The following PCSK5 variants were observed in gnomAD, a reference collection of about 807,000 sequenced individuals.
PCSK5 encodes the protein proprotein convertase subtilisin/kexin type 5, also known as prohormone convertase 5.
Under a neutral mutation model 233.2 loss-of-function variants are expected in PCSK5, and 129 were observed. The ratio of observed to expected loss-of-function variants is 0.55; its 90% CI spans 0.48 to 0.64. PCSK5 has a LOEUF of 0.64. Ranked by LOEUF, PCSK5 falls within the 30% of genes least tolerant of loss-of-function variation. The pLI is 0.00. For missense variants in PCSK5, 2,076 were observed against 2,430.1 expected (o/e 0.85, Z 3.06); for synonymous variants, 825 against 879.2 (o/e 0.94, Z 1.09).
At chr9:76,295,102 C>G (rs979197160) in intron 25 of PCSK5, among the ~76,000 whole-genome samples, 173 bp from the exon 26 acceptor site, 12 of 151,976 alleles carry the variant, frequency 7.9e-5, no homozygotes, top group African/African-American at 4.8e-5. Flanking sequence ...TGCAGTGAGC[C>G]GAGATCGACC....
chr9:75,991,933 A>G lies in PCSK5; in HGVS notation c.411+5688A>G, dbSNP rs189876221. 5.3e-5 allele frequency among the ~76,000 whole-genome samples: 8 copies of G among 152,006 alleles called. No homozygotes were observed. In the East Asian group the frequency reaches 1.5e-3, roughly 29 times the overall value. ...ATCCCCTCTCTCTAAAAAAATGTAAAATAAAAAAAAAAATTAGTTAGGCTT... is the reference window on the plus strand; with the variant it reads ...ATCCCCTCTCTCTAAAAAAATGTAAGATAAAAAAAAAAATTAGTTAGGCTT... On this transcript the variant is annotated intron_variant, in intron 3 of 37. Coordinates refer to ENST00000674117, the MANE Select transcript of PCSK5 (RefSeq NM_001372043.1).
chr9:75,915,600 C>T (rs1190498675), intron 1 of PCSK5, among the ~76,000 whole-genome samples: 1 of 152,088 alleles, frequency 6.6e-6, no homozygotes, highest in African/African-American at 2.4e-5. Flanking sequence ...AAATTACCTG[C>T]GTGTATTTGA....
intron 24 of PCSK5, among the ~76,000 whole-genome samples, chr9:76,278,965 GGTTA>G (rs2131384172): frequency 6.6e-6 from 1 of 151,852 alleles, no homozygotes; most frequent in South Asian, 2.1e-4. Context: ...ACATTGTGCA[GGTTA>G]GTTACATATG....
intron 5 of PCSK5, among the ~76,000 whole-genome samples, chr9:76,042,178 GAAAA>G (rs1185124909): frequency 6.6e-6 from 1 of 152,098 alleles, no homozygotes; most frequent in Non-Finnish European, 1.5e-5. Flanking sequence ...TAAAGGGAAA[GAAAA>G]AACACCATGA....
At chr9:76,189,270 T>C in intron 19 of PCSK5, 47 bp downstream of exon 19, 1 of 1,548,198 alleles carries the variant, frequency 6.5e-7, no homozygotes, top group Non-Finnish European at 8.8e-7. Flanking sequence ...CCTAAGTTCT[T>C]TTGATGACTA....
At chr9:75,994,546 TC>T (rs1348354841) in intron 3 of PCSK5, among the ~76,000 whole-genome samples, 1 of 150,932 alleles carries the variant, frequency 6.6e-6, no homozygotes, top group African/African-American at 2.4e-5. Flanking sequence ...TGCCTCAGCC[TC>T]CCGAAGCTGG....
At chr9:76,044,511 T>C (rs554640318) in intron 5 of PCSK5, among the ~76,000 whole-genome samples, 21 of 152,344 alleles carry the variant, frequency 1.4e-4, no homozygotes, top group Admixed American at 1.3e-3. Context: ...GACTTAATTA[T>C]CTTCTGTGTG....
chr9:76,099,077 C>G lies in PCSK5; in HGVS notation c.1107+2975C>G, dbSNP rs73456427. ...ATTTCAAAGCCTTCTGTGACTCACT[C>G]TATGTATTTAACTTAATTCGTTTCT... On this transcript the variant is annotated intron_variant, in intron 8 of 37. Coordinates refer to ENST00000674117, the MANE Select transcript of PCSK5 (RefSeq NM_001372043.1). 3.7e-3 allele frequency among the ~76,000 whole-genome samples: 560 copies of G among 152,308 alleles called. 4 individuals carry two copies. Among genetic ancestry groups the G allele is most frequent in the African/African-American group, 0.013 (526 of 41,568 alleles).
rs572045794 is a variant in PCSK5, at chr9:76,361,366, C to G, written c.*2444C>G. The G allele has an allele frequency of 5.3e-5, 8 of 151,744 alleles. No individual in the cohort carries two copies. The highest frequency in any genetic ancestry group is 1.0e-4 in the Non-Finnish European group (7 of 67,992). The allele number at this position is 151,744 out of a possible 1,614,324, so 9.4% of individuals were successfully genotyped here. ...TCTCAAAAAATAAGTAACTAACTAA[C>G]TAACTAAATAAATAAATAAATAAAA... On this transcript the variant is annotated 3_prime_UTR_variant, in exon 38 of 38. Coordinates refer to ENST00000674117, the MANE Select transcript of PCSK5 (RefSeq NM_001372043.1).
intron 2 of PCSK5, among the ~76,000 whole-genome samples, chr9:75,960,545 G>A (rs1459482063): frequency 6.6e-6 from 1 of 152,188 alleles, no homozygotes; most frequent in Non-Finnish European, 1.5e-5. Context: ...AAGAAAAACA[G>A]CTGAAGAACA....
intron 37 of PCSK5, among the ~76,000 whole-genome samples, chr9:76,355,119 G>T (rs1488194818): frequency 1.3e-5 from 2 of 152,070 alleles, no homozygotes; most frequent in Non-Finnish European, 2.9e-5. Flanking sequence ...ATCCATGTGG[G>T]TACTTGGTTC....
At position 75,986,263 on chromosome 9, in the gene PCSK5, G is replaced by A. The variant is rs1241139462; in HGVS notation, c.411+18G>A. 9 of 1,432,716 alleles carry A rather than the reference G, an allele frequency of 6.3e-6. No homozygotes were observed. The highest frequency in any genetic ancestry group is 8.9e-6 in the Non-Finnish European group (9 of 1,014,592). The allele number at this position is 1,432,716 out of a possible 1,614,324, so 88.8% of individuals were successfully genotyped here. On this transcript the variant is annotated intron_variant, in intron 3 of 37. Coordinates refer to ENST00000674117, the MANE Select transcript of PCSK5 (RefSeq NM_001372043.1). Reference sequence around the variant, plus strand: ...GGTATATGGTAAGCTTGCTAAGGAAGCCTGGCCTAGGGCCATGTCATCCGG... The same window carrying A: ...GGTATATGGTAAGCTTGCTAAGGAAACCTGGCCTAGGGCCATGTCATCCGG...
chr9:76,050,974 C>T (rs1385884622), intron 5 of PCSK5, among the ~76,000 whole-genome samples: 1 of 152,108 alleles, frequency 6.6e-6, no homozygotes, highest in Non-Finnish European at 1.5e-5. Context: ...GTCATTTTAC[C>T]TTAAAAGCCC....
chr9:76,242,073 T>C (rs971547236), intron 24 of PCSK5, among the ~76,000 whole-genome samples: 2 of 152,210 alleles, frequency 1.3e-5, no homozygotes, highest in African/African-American at 4.8e-5. Flanking sequence ...CCTTACCCAA[T>C]GGATTTTCTT....
rs148661587 is a variant in PCSK5, at chr9:76,276,876, G to A, written c.3143-15357G>A. On this transcript the variant is annotated intron_variant, in intron 24 of 37. Transcript: ENST00000674117. ...AACAACCTGTCTTCATGAAGCTTGC[G>A]TTTTACTGTTTGCTTCATGCATTTA... Among the ~76,000 whole-genome samples, 294 of 152,246 alleles carry A rather than the reference G, an allele frequency of 1.9e-3. 2 individuals carry two copies. Among genetic ancestry groups the A allele is most frequent in the African/African-American group, 6.5e-3 (272 of 41,542 alleles).
chr9:75,917,374 G>A (rs947480231), intron 1 of PCSK5, among the ~76,000 whole-genome samples: 1 of 152,136 alleles, frequency 6.6e-6, no homozygotes, highest in African/African-American at 2.4e-5. Context: ...ATTTTTATGT[G>A]TTTTGGGAAC....
intron 5 of PCSK5, among the ~76,000 whole-genome samples, chr9:76,035,037 T>C (rs1828802865): frequency 6.6e-6 from 1 of 152,208 alleles, no homozygotes; most frequent in Non-Finnish European, 1.5e-5. Flanking sequence ...ATTGTCTGTC[T>C]TGCCCTCTGG....
At chr9:76,053,854 G>A (rs893350384) in intron 5 of PCSK5, among the ~76,000 whole-genome samples, 5 of 152,078 alleles carry the variant, frequency 3.3e-5, no homozygotes, top group African/African-American at 7.2e-5. Flanking sequence ...CCACAGTTTC[G>A]GGTATCTTTA....
At chr9:75,899,944 A>G (rs983819968) in intron 1 of PCSK5, among the ~76,000 whole-genome samples, 8 of 152,210 alleles carry the variant, frequency 5.3e-5, no homozygotes, top group African/African-American at 1.9e-4. Context: ...GAAGTGCTAT[A>G]GAAAGAATCC....
Sources: allele counts gnomAD v4.1 joint callset (sites outside exome capture counted in the v4.1 genomes callset), GRCh38; gene constraint gnomAD v4.1.1; transcripts MANE v1.5; gene names NCBI Gene and HGNC (gene_info 2026-07-23, HGNC 2026-07-21).